The following CFAP47 variants were observed in gnomAD, a reference collection of about 807,000 sequenced individuals.
The protein encoded by CFAP47 is cilia and flagella associated protein 47.
Under a neutral mutation model 148.1 loss-of-function variants are expected in CFAP47, and 29 were observed. The ratio of observed to expected loss-of-function variants is 0.20; its 90% CI spans 0.15 to 0.27. CFAP47 has a LOEUF of 0.27. CFAP47 is among the 10% of genes least tolerant of loss of function. CFAP47 has a pLI of 1.00. For missense variants in CFAP47, 1,872 were observed against 1,697.5 expected, an observed-to-expected ratio of 1.10 and a Z score of -1.81; for synonymous variants, 664 against 577.3, an observed-to-expected ratio of 1.15 and a Z score of -2.15.
Position 36,085,522 on chromosome X carries a change from C to T in CFAP47, c.4900C>T (p.Leu1634Phe), listed in dbSNP as rs754379687. The T allele has an allele frequency of 8.5e-6, 10 of 1,181,265 alleles. No individual in the cohort carries two copies. Among genetic ancestry groups the T allele is most frequent in the Non-Finnish European group, 1.1e-5 (10 of 871,677 alleles). Residue 1634 changes from leucine to phenylalanine, a missense_variant, in exon 30 of 64, where the codon CTT becomes TTT. Transcript: ENST00000378653. ...VIQLHLQHSS[L>F]LDFLNAQGGC... Reference sequence around the variant, plus strand: ...TCAACTCCATTTGCAACATTCCTCACTTCTGGACTTTCTCAAGTAAGTGCC... The same window carrying T: ...TCAACTCCATTTGCAACATTCCTCATTTCTGGACTTTCTCAAGTAAGTGCC...
At position 36,073,198 on chromosome X, in the gene CFAP47, C is replaced by G; in HGVS notation, c.4525C>G (p.His1509Asp). 8.3e-7 allele frequency: 1 copy of G among 1,210,131 alleles called. No individual in the cohort carries two copies. The highest frequency in any genetic ancestry group is 1.1e-6 in the Non-Finnish European group (1 of 894,452). ...TGAAAGTGAAACATCAGAGGAAGAT[C>G]ATGGGTCTCTGGAAAAGGAAAAATA... is the stretch of plus-strand genomic sequence containing the variant. ...LDESETSEED[H>D]GSLEKEKYEQ... is the part of the protein sequence containing the mutation. The change falls in exon 29 of 64, where the codon CAT (histidine) becomes GAT (aspartate). Residue 1509 changes from histidine to aspartate, a missense_variant. Coordinates refer to ENST00000378653, the MANE Select transcript of CFAP47 (RefSeq NM_001304548.2).
chrX:36,152,760 T>G (rs1194778899), intron 37 of CFAP47, among the ~76,000 whole-genome samples: 1 of 111,667 alleles, frequency 9.0e-6, no homozygotes, highest in Non-Finnish European at 1.9e-5. Context: ...CTATTTTCTT[T>G]CATAGATAGC....
chrX:36,290,071 C>T (rs1279570057), intron 51 of CFAP47, among the ~76,000 whole-genome samples: 19 of 110,381 alleles, frequency 1.7e-4, no homozygotes, highest in Admixed American at 1.5e-3. Context: ...TTCCTCCTCC[C>T]CGCCCCTCGC....
chrX:36,377,438 G>A (rs1305082625), intron 62 of CFAP47, among the ~76,000 whole-genome samples: 2 of 112,165 alleles, frequency 1.8e-5, no homozygotes, highest in African/African-American at 6.5e-5. Flanking sequence ...AGAAGTGTCT[G>A]TTTGTATCCT....
intron 57 of CFAP47, among the ~76,000 whole-genome samples, chrX:36,325,361 C>G (rs958126472): frequency 9.0e-6 from 1 of 111,582 alleles, no homozygotes; most frequent in Non-Finnish European, 1.9e-5. Flanking sequence ...ACAGACAGTA[C>G]GTGCTGGAAC....
intron 30 of CFAP47, among the ~76,000 whole-genome samples, chrX:36,088,817 A>G (rs1006300005): frequency 8.9e-5 from 10 of 111,754 alleles, no homozygotes; most frequent in Non-Finnish European, 1.9e-4. Flanking sequence ...GAAAATAATA[A>G]AATTTTTAAA....
At position 36,049,488 on chromosome X, in the gene CFAP47, TCACACA is replaced by T. The variant is rs397895931; in HGVS notation, c.4217+2459_4217+2464del. 7.9e-3 allele frequency among the ~76,000 whole-genome samples: 728 copies of T among 92,244 alleles called. 3 individuals are homozygous for T. Among genetic ancestry groups the T allele is most frequent in the African/African-American group, 0.026 (672 of 26,222 alleles). The allele number at this position is 92,244 out of a possible 115,157, so 80.1% of individuals were successfully genotyped here. A position where few individuals can be genotyped will look rare whatever the true frequency, so the allele number is the denominator to read the frequency against. ...ACTCTTCTGCATGTATTTCTCTCTC[TCACACA>T]CACACACACACACACACACACACAC... On this transcript the variant is annotated intron_variant, in intron 26 of 63. Coordinates refer to ENST00000378653, the MANE Select transcript of CFAP47 (RefSeq NM_001304548.2).
chrX:36,337,926 TG>T (rs1941620245), intron 57 of CFAP47, among the ~76,000 whole-genome samples: 2 of 96,081 alleles, frequency 2.1e-5, no homozygotes, highest in Middle Eastern at 5.7e-3. Context: ...GAGTGCGGTG[TG>T]GCGCGATCTC....
chrX:36,337,581 C>T (rs78277096), intron 57 of CFAP47, among the ~76,000 whole-genome samples: 1 of 111,761 alleles, frequency 8.9e-6, no homozygotes, highest in Non-Finnish European at 1.9e-5. Flanking sequence ...CTGAAGACTA[C>T]TAGTGACATG....
intron 62 of CFAP47, among the ~76,000 whole-genome samples, chrX:36,373,054 T>C (rs1556022219): frequency 9.0e-6 from 1 of 111,693 alleles, no homozygotes; most frequent in Non-Finnish European, 1.9e-5. Flanking sequence ...TTGGAGTGTT[T>C]ACAGATTACT....
chrX:36,253,909 C>T (rs1940720237), intron 49 of CFAP47, among the ~76,000 whole-genome samples: 1 of 111,668 alleles, frequency 9.0e-6, no homozygotes, highest in African/African-American at 3.3e-5. Context: ...CATCAGGATG[C>T]CTCAGGACCT....
At position 36,348,363 on chromosome X, in the gene CFAP47, A is replaced by G. The variant is rs781938040; in HGVS notation, c.8603+75A>G. ...CACTGACATGCTAGGTTTCTTTTAC[A>G]TGTTATACATATATAATGTCAAGCT... On this transcript the variant is annotated intron_variant, in intron 58 of 63. Transcript: ENST00000378653. The G allele has an allele frequency of 5.0e-4, 249 of 497,395 alleles. 2 individuals carry two copies. The highest frequency in any genetic ancestry group is 6.7e-4 in the Non-Finnish European group (229 of 339,475). The allele number at this position is 497,395 out of a possible 1,213,427, so 41.0% of individuals were successfully genotyped here.
chrX:36,131,215 AT>A (rs1172740102), intron 33 of CFAP47, among the ~76,000 whole-genome samples: 1 of 111,146 alleles, frequency 9.0e-6, no homozygotes, highest in African/African-American at 3.3e-5. Context: ...CAGAAATTAA[AT>A]TTTTTGAATT....
chrX:36,344,257 GAA>G (rs373568132), intron 57 of CFAP47, among the ~76,000 whole-genome samples: 2 of 61,627 alleles, frequency 3.2e-5, no homozygotes, highest in Admixed American at 1.9e-4. Flanking sequence ...AAGAGAGAAA[GAA>G]AAAAAAAAAG....
Position 36,286,227 on chromosome X carries a change from TAA to T in CFAP47, c.7686+502_7686+503del, listed in dbSNP as rs1941131364. ...AAAATTATTTAATAAAGTTAAATAT[TAA>T]GAGTCTTATTTTAAATGAAACATGA... is the stretch of plus-strand genomic sequence containing the variant. On this transcript the variant is annotated intron_variant, in intron 51 of 63. Coordinates refer to ENST00000378653, the MANE Select transcript of CFAP47 (RefSeq NM_001304548.2). 1.8e-5 allele frequency among the ~76,000 whole-genome samples: 2 copies of T among 111,567 alleles called. 1 individual carries two copies. The highest frequency in any genetic ancestry group is 3.8e-5 in the Non-Finnish European group (2 of 52,886).
intron 33 of CFAP47, among the ~76,000 whole-genome samples, chrX:36,120,764 G>T (rs1272878292): frequency 1.8e-5 from 2 of 110,249 alleles, no homozygotes; most frequent in African/African-American, 6.6e-5. Flanking sequence ...AAGTTTGAAG[G>T]CTTTTTGTGC....
At chrX:35,941,699 C>T (rs1046296670) in intron 3 of CFAP47, among the ~76,000 whole-genome samples, 17 of 111,163 alleles carry the variant, frequency 1.5e-4, no homozygotes, top group African/African-American at 5.5e-4. Context: ...TAGAGCACAG[C>T]GCCTTATTAG....
Position 36,311,391 on chromosome X carries a change from G to A in CFAP47, c.8344+402G>A, listed in dbSNP as rs782564426. Reference sequence around the variant, plus strand: ...AGAGACAACATATTTGGAATAAATTGTGGCTTCAATCAGCCTTGTCCCTTT... The same window carrying A: ...AGAGACAACATATTTGGAATAAATTATGGCTTCAATCAGCCTTGTCCCTTT... On this transcript the variant is annotated intron_variant, in intron 56 of 63. Transcript: ENST00000378653. Among the ~76,000 whole-genome samples, 56 of 110,870 alleles carry A rather than the reference G, an allele frequency of 5.1e-4. 1 individual carries two copies. Among genetic ancestry groups the A allele is most frequent in the African/African-American group, 1.7e-3 (52 of 30,751 alleles).
In CFAP47 at chrX:36,353,014, T is replaced by C. The variant is rs180937428; in HGVS notation, c.8699-515T>C. Among the ~76,000 whole-genome samples the C allele has an allele frequency of 4.1e-3, 453 of 110,745 alleles. 2 individuals are homozygous for C. Among genetic ancestry groups the C allele is most frequent in the African/African-American group, 0.014 (428 of 30,719 alleles). On this transcript the variant is annotated intron_variant, in intron 59 of 63. Transcript: ENST00000378653. ...TTTAATTTGAATATGAATTTCATGG[T>C]ACATGTAAAAACGTAATGAATCTAA...
Sources: gnomAD v4.1 joint callset for allele counts (sites outside exome capture counted in the v4.1 genomes callset) on GRCh38, gnomAD v4.1.1 for gene constraint, MANE v1.5 for transcripts, NCBI Gene and HGNC (gene_info 2026-07-23, HGNC 2026-07-21) for gene names.